The following GALNT10 variants were observed in gnomAD, a reference collection of about 807,000 sequenced individuals.
GALNT10 encodes the protein polypeptide N-acetylgalactosaminyltransferase 10.
A neutral mutation model predicts 75.0 loss-of-function variants in GALNT10; 41 were observed. The ratio of observed to expected loss-of-function variants is 0.55; its 90% confidence interval spans 0.43 to 0.71. The LOEUF (loss-of-function observed/expected upper bound fraction) is 0.71, where lower values mean the gene tolerates loss of function less well. GALNT10 is among the 30% of genes least tolerant of loss of function. The pLI is 0.00. For missense variants in GALNT10, 727 were observed against 818.5 expected (o/e 0.89, Z 1.36); for synonymous variants, 302 against 313.0 (o/e 0.96, Z 0.37).
chr5:154,280,403 A>G (rs1754023456), intron 1 of GALNT10, among the ~76,000 whole-genome samples: 1 of 152,182 alleles, frequency 6.6e-6, no homozygotes, highest in African/African-American at 2.4e-5. Context: ...GCTAGAAGAG[A>G]GGATTTTGAA....
intron 1 of GALNT10, among the ~76,000 whole-genome samples, chr5:154,269,618 G>A (rs1435736727): frequency 6.6e-6 from 1 of 152,246 alleles, no homozygotes; most frequent in Admixed American, 6.5e-5. Flanking sequence ...GGGGCCAGTG[G>A]ACTTGGCAGG....
chr5:154,365,835 A>G lies in GALNT10; in HGVS notation c.569-10442A>G, dbSNP rs1449726077. ...TTTATTTTGTTAATGGAACATGTCCATTAGCATTCCACCCAAACTCCTCTT... is the reference window on the plus strand; with the variant it reads ...TTTATTTTGTTAATGGAACATGTCCGTTAGCATTCCACCCAAACTCCTCTT... On this transcript the variant is annotated intron_variant, in intron 4 of 11. Coordinates refer to ENST00000297107, the MANE Select transcript of GALNT10 (RefSeq NM_198321.4). 2.0e-5 allele frequency among the ~76,000 whole-genome samples: 3 copies of G among 152,260 alleles called. No individual in the cohort carries two copies. The East Asian group carries it at 5.8e-4, about 29-fold the overall frequency.
intron 1 of GALNT10, among the ~76,000 whole-genome samples, chr5:154,241,533 T>G (rs912605488): frequency 9.7e-4 from 140 of 144,620 alleles, no homozygotes; most frequent in African/African-American, 3.8e-3. Flanking sequence ...TTAACAAGGT[T>G]TTTTTTTTTA....
chr5:154,256,634 GA>G (rs918274471), intron 1 of GALNT10, among the ~76,000 whole-genome samples: 24 of 152,228 alleles, frequency 1.6e-4, no homozygotes, highest in South Asian at 6.2e-4. Flanking sequence ...TTCTGTAAAA[GA>G]GAGAGGGCTT....
chr5:154,415,407 G>T (rs539983118), intron 10 of GALNT10, among the ~76,000 whole-genome samples: 1 of 151,898 alleles, frequency 6.6e-6, no homozygotes, highest in Non-Finnish European at 1.5e-5. Flanking sequence ...GTGCAGTCTC[G>T]GCTCACTGCA....
chr5:154,299,051 C>T (rs1754324288), intron 3 of GALNT10, among the ~76,000 whole-genome samples: 1 of 152,188 alleles, frequency 6.6e-6, no homozygotes, highest in African/African-American at 2.4e-5. Flanking sequence ...AAGTTTTGCT[C>T]AGGGACTAAC....
intron 4 of GALNT10, among the ~76,000 whole-genome samples, chr5:154,375,308 A>ATATGATGTATGCTG (rs1372028952): frequency 6.6e-6 from 1 of 152,226 alleles, no homozygotes; most frequent in African/African-American, 2.4e-5. Context: ...TCGTCATTAA[A>ATATGATGTATGCTG]TATGATGTAT....
intron 1 of GALNT10, among the ~76,000 whole-genome samples, chr5:154,248,272 CT>C (rs761666892): frequency 2.6e-5 from 4 of 152,150 alleles, no homozygotes; most frequent in African/African-American, 9.7e-5. Context: ...CTAAAATTCT[CT>C]TTTTTTGTTG....
At position 154,190,797 on chromosome 5, in the gene GALNT10, A is replaced by ACGGG; in HGVS notation, c.-66_-63dup. On this transcript the variant is annotated 5_prime_UTR_variant, in exon 1 of 12. Transcript: ENST00000297107. The stretch of plus-strand genomic sequence containing the variant: ...CTGAGCTGCTGCCGCCGCCGGGCGG[A>ACGGG]CGGGCGGACGCGCGGAGCTGGGGGC... 1.2e-6 allele frequency: 1 copy of ACGGG among 815,414 alleles called. No homozygotes were observed. Among genetic ancestry groups the ACGGG allele is most frequent in the Non-Finnish European group, 1.5e-6 (1 of 674,672 alleles). 50.5% of individuals were successfully genotyped at this position (815,414 alleles called of 1,614,324 possible). A position where few individuals can be genotyped will look rare whatever the true frequency, so the allele number is the denominator to read the frequency against.
Position 154,329,663 on chromosome 5 carries a change from G to A in GALNT10, c.493G>A (p.Val165Ile), listed in dbSNP as rs780422451. The A allele has an allele frequency of 2.5e-5, 40 of 1,612,586 alleles. No homozygotes were observed. Among genetic ancestry groups the A allele is most frequent in the African/African-American group, 1.1e-4 (8 of 74,842 alleles). The stretch of plus-strand genomic sequence containing the variant: ...GGGCTGGTCCTCCCTCCTCCGCACC[G>A]TCCACAGTGTGCTCAATCGCTCGCC... ...NEGWSSLLRT[V>I]HSVLNRSPPE... Residue 165 changes from valine (V) to isoleucine (I), a missense_variant, in exon 4 of 12, where the codon GTC (valine) becomes ATC (isoleucine). Physicochemically the swap from Val to Ile is conservative, Grantham distance 29 (BLOSUM62 3). Coordinates refer to ENST00000297107, the MANE Select transcript of GALNT10 (RefSeq NM_198321.4).
At chr5:154,228,765 G>T (rs1292186080) in intron 1 of GALNT10, among the ~76,000 whole-genome samples, 1 of 152,238 alleles carries the variant, frequency 6.6e-6, no homozygotes, top group Non-Finnish European at 1.5e-5. Context: ...TTTGTTCTCT[G>T]TGTCCTGTGT....
At chr5:154,411,114 G>C (rs1485362629) in intron 9 of GALNT10, among the ~76,000 whole-genome samples, 1 of 152,138 alleles carries the variant, frequency 6.6e-6, no homozygotes, top group Non-Finnish European at 1.5e-5. Flanking sequence ...GGGAGCATAA[G>C]AGTTGGGGCT....
At position 154,231,928 on chromosome 5, in the gene GALNT10, T is replaced by C. The variant is rs187624459; in HGVS notation, c.159+40903T>C. ...CAGGATCCTGCATACAGTCCAGTTG[T>C]GGATTAGCCTCAGCCCAAAGAGCCT... On this transcript the variant is annotated intron_variant, in intron 1 of 11. Coordinates refer to ENST00000297107, the MANE Select transcript of GALNT10 (RefSeq NM_198321.4). Among the ~76,000 whole-genome samples, 26 of 152,304 alleles carry C rather than the reference T, an allele frequency of 1.7e-4. No individual in the cohort carries two copies. In the East Asian group the frequency reaches 4.8e-3, roughly 28 times the overall value.
At chr5:154,395,437 C>T (rs1303143485) in intron 7 of GALNT10, among the ~76,000 whole-genome samples, 4 of 152,180 alleles carry the variant, frequency 2.6e-5, no homozygotes, top group Non-Finnish European at 5.9e-5. Context: ...ATAGTGCAGT[C>T]GTGAGCATGA....
intron 1 of GALNT10, among the ~76,000 whole-genome samples, chr5:154,293,449 C>T (rs576566133): frequency 2.3e-4 from 35 of 152,140 alleles, no homozygotes; most frequent in Non-Finnish European, 4.9e-4. Flanking sequence ...TATCAGGTTC[C>T]TTCTGCTGAC....
chr5:154,267,216 G>T (rs1489392568), intron 1 of GALNT10, among the ~76,000 whole-genome samples: 1 of 152,206 alleles, frequency 6.6e-6, no homozygotes, highest in Non-Finnish European at 1.5e-5. Context: ...AATATGGGAT[G>T]AATATTTAAG....
intron 3 of GALNT10, among the ~76,000 whole-genome samples, chr5:154,325,645 G>C (rs1329696465): frequency 7.3e-6 from 1 of 137,554 alleles, no homozygotes; most frequent in African/African-American, 2.9e-5. Context: ...AAAAAAAAAA[G>C]CCATTTGACA....
chr5:154,373,129 C>T (rs1755600512), intron 4 of GALNT10, among the ~76,000 whole-genome samples: 1 of 152,298 alleles, frequency 6.6e-6, no homozygotes, highest in Admixed American at 6.5e-5. Context: ...GATACAGCCT[C>T]AGAATCTTTC....
chr5:154,415,819 G>A lies in GALNT10; in HGVS notation c.1540G>A (p.Gly514Arg). 6.2e-7 allele frequency: 1 copy of A among 1,614,148 alleles called. No individual in the cohort carries two copies. The highest frequency in any genetic ancestry group is 8.5e-7 in the Non-Finnish European group (1 of 1,179,998). Residue 514 changes from glycine (G) to arginine (R), a missense_variant, in exon 11 of 12, where the codon GGA becomes AGA. Coordinates refer to ENST00000297107, the MANE Select transcript of GALNT10 (RefSeq NM_198321.4). The part of the protein sequence containing the change: ...TFTWREDIRP[G>R]DPQHTKKFCF... ...CACCTGGAGAGAGGACATCCGGCCTGGAGACCCCCAGCACACCAAGAAGTT... is the reference window on the plus strand; with the variant it reads ...CACCTGGAGAGAGGACATCCGGCCTAGAGACCCCCAGCACACCAAGAAGTT...
Sources: gnomAD v4.1 joint callset for allele counts (sites outside exome capture counted in the v4.1 genomes callset) on GRCh38, gnomAD v4.1.1 for gene constraint, MANE v1.5 for transcripts, NCBI Gene and HGNC (gene_info 2026-07-23, HGNC 2026-07-21) for gene names.